SETD5: variants seen among roughly 807,000 people sequenced by gnomAD.
SETD5 encodes the protein SET domain containing 5.
Under a neutral mutation model 153.3 loss-of-function variants are expected in SETD5, and 44 were observed. The ratio of observed to expected loss-of-function variants is 0.29; its 90% CI spans 0.23 to 0.37. The LOEUF (loss-of-function observed/expected upper bound fraction) is 0.37, where lower values mean the gene tolerates loss of function less well. Ranked by LOEUF, SETD5 falls within the 10% of genes least tolerant of loss-of-function variation. The pLI is 1.00. For synonymous variants in SETD5, 716 were observed against 645.2 expected, an observed-to-expected ratio of 1.11 and a Z score of -1.66; for missense variants, 1,544 against 1,768.0, an observed-to-expected ratio of 0.87 and a Z score of 2.27.
intron 3 of SETD5, chr3:9,433,598 C>A: frequency 1.6e-6 from 2 of 1,232,114 alleles, no homozygotes; most frequent in Non-Finnish European, 2.1e-6. Flanking sequence ...CACCTTGTAT[C>A]TCAGGTGCCT....
Position 9,434,134 on chromosome 3 carries a change from T to A in SETD5, c.177+184T>A. 6.5e-7 allele frequency: 1 copy of A among 1,548,560 alleles called. No individual in the cohort carries two copies. Among genetic ancestry groups the A allele is most frequent in the Non-Finnish European group, 8.7e-7 (1 of 1,147,972 alleles). On this transcript the variant is annotated intron_variant, in intron 4 of 22. Transcript: ENST00000402198. This position sits in a 1 kb window ranked among gnomAD's most constrained non-coding sequence, Gnocchi z 5.6. ...TCTTGTTTTTATGTCCCAGTTGACC[T>A]TGGCATTTTGTTTTATCACTTTCCT... is the stretch of plus-strand genomic sequence containing the variant.
intron 16 of SETD5, among the ~76,000 whole-genome samples, chr3:9,452,659 A>ATTTTTTTTTTTTTTTTTTT (rs1164278885): frequency 3.3e-5 from 2 of 59,812 alleles, no homozygotes; most frequent in Non-Finnish European, 6.4e-5. Context: ...ATGATGTAAG[A>ATTTTTTTTTTTTTTTTTTT]TTTTTTTTTT....
At chr3:9,447,634 T>C (rs2042168941) in intron 14 of SETD5, 52 bp from the exon 15 acceptor site, 1 of 1,561,140 alleles carries the variant, frequency 6.4e-7, no homozygotes. Flanking sequence ...GAAATTAGAC[T>C]GTTTGCTGAT....
intron 13 of SETD5, among the ~76,000 whole-genome samples, chr3:9,446,250 G>C (rs1488619679): frequency 3.5e-4 from 44 of 126,328 alleles, no homozygotes; most frequent in African/African-American, 1.3e-3. Context: ...TAGCGCCACT[G>C]CACTCCGGCC....
rs2033954298 is a variant in SETD5 at position 9,397,996 on chromosome 3, A to G, written c.-177+19A>G. On this transcript the variant is annotated intron_variant, in intron 1 of 22. Coordinates refer to ENST00000402198, the MANE Select transcript of SETD5 (RefSeq NM_001080517.3). ...GGACAAGGTAAGGGTCCGACAGAAA[A>G]GAGACCGAACCTCACGATCGGGCCC... 1 of 152,030 alleles carries G rather than the reference A, an allele frequency of 6.6e-6. No individual in the cohort carries two copies. Among genetic ancestry groups the G allele is most frequent in the Admixed American group, 6.6e-5 (1 of 15,256 alleles). The allele number at this position is 152,030 out of a possible 1,614,324, so 9.4% of individuals were successfully genotyped here. A position where few individuals can be genotyped will look rare whatever the true frequency, so the allele number is the denominator to read the frequency against.
chr3:9,457,742 CTT>C (rs756557755), intron 17 of SETD5, among the ~76,000 whole-genome samples: 6 of 129,364 alleles, frequency 4.6e-5, no homozygotes, highest in Admixed American at 2.3e-4. Context: ...ATTTCTTTTT[CTT>C]TTTTTTTTTT....
chr3:9,456,207 G>A (rs1356032664), intron 17 of SETD5, among the ~76,000 whole-genome samples: 4 of 152,108 alleles, frequency 2.6e-5, no homozygotes, highest in Non-Finnish European at 5.9e-5. Flanking sequence ...AGGCGTTGGT[G>A]GCTCACACCT....
intron 8 of SETD5, among the ~76,000 whole-genome samples, chr3:9,441,352 A>T (rs866376208): frequency 2.7e-3 from 373 of 138,164 alleles, no homozygotes; most frequent in Middle Eastern, 7.6e-3. Flanking sequence ...TTAATCATGT[A>T]TTTTTTTTTT....
chr3:9,449,699 T>TGG (rs1051290077), intron 16 of SETD5: 102 of 152,004 alleles, frequency 6.7e-4, no homozygotes, highest in African/African-American at 2.4e-3. Flanking sequence ...CAAAGTGGTG[T>TGG]GGGATATGGA....
Position 9,418,557 on chromosome 3 carries a change from A to G in SETD5, c.-176-5910A>G, listed in dbSNP as rs139459661. Among the ~76,000 whole-genome samples, 22 of 152,152 alleles carry G rather than the reference A, an allele frequency of 1.4e-4. No homozygotes were observed. The East Asian group carries it at 2.5e-3, about 18-fold the overall frequency. ...CAGTCAGTAGTAGTCTTAAAAGTGA[A>G]TCACATAGGCTGAAGCAGGCAGATC... is the stretch of plus-strand genomic sequence containing the variant. On this transcript the variant is annotated intron_variant, in intron 1 of 22. Coordinates refer to ENST00000402198, the MANE Select transcript of SETD5 (RefSeq NM_001080517.3).
rs754872251 is a variant in SETD5, at chr3:9,445,689, A to C, written c.1473A>C (p.Glu491Asp). 35 of 1,613,660 alleles carry C rather than the reference A, an allele frequency of 2.2e-5. No homozygotes were observed. The highest frequency in any genetic ancestry group is 3.0e-5 in the Non-Finnish European group (35 of 1,179,762). The change falls in exon 13 of 23, where the codon GAA becomes GAC. Residue 491 changes from glutamate (E) to aspartate (D), a missense_variant. Transcript: ENST00000402198. ...EVDNPEEKPE[E>D]EKEEVIDDQE... The stretch of plus-strand genomic sequence containing the variant: ...ACAATCCAGAAGAAAAACCAGAAGA[A>C]GAGAAAGAAGAGGTTATAGATGACC...
chr3:9,431,154 G>A (rs761508273), intron 3 of SETD5: 7 of 985,342 alleles, frequency 7.1e-6, no homozygotes, highest in South Asian at 4.7e-5. Context: ...TATGCAATAC[G>A]CATTTATTTT....
Position 9,473,306 on chromosome 3 carries a change from C to G in SETD5, c.3266C>G (p.Ser1089Cys), listed in dbSNP as rs779681331. Residue 1089 changes from serine to cysteine, a missense_variant, in exon 20 of 23, where the codon TCT becomes TGT. Transcript: ENST00000402198. ...KENSAGGGGD[S>C]AQSKSKSAGA... ...AATTCTGCTGGTGGGGGAGGTGACT[C>G]TGCACAGAGCAAAAGCAAGTCTGCA... 1.2e-6 allele frequency: 2 copies of G among 1,613,996 alleles called. No individual in the cohort carries two copies. The highest frequency in any genetic ancestry group is 8.5e-7 in the Non-Finnish European group (1 of 1,179,892).
intron 13 of SETD5, among the ~76,000 whole-genome samples, chr3:9,445,945 A>C (rs2041892193): frequency 7.5e-6 from 1 of 133,060 alleles, no homozygotes; most frequent in Admixed American, 7.9e-5. Context: ...ATTATTATCT[A>C]GTGATGGTTT....
chr3:9,470,485 G>A lies in SETD5; in HGVS notation c.2751G>A (p.Leu917=). The A allele has an allele frequency of 1.9e-6, 3 of 1,611,740 alleles. No homozygotes were observed. The highest frequency in any genetic ancestry group is 2.5e-6 in the Non-Finnish European group (3 of 1,178,250). The change falls in exon 19 of 23, where the codon TTG becomes TTA. Residue 917 remains leucine, a synonymous_variant. Transcript: ENST00000402198. The part of the protein sequence containing the change: ...FELCHRKDLD[L]AKVGYLDSNT... The stretch of plus-strand genomic sequence containing the variant: ...TTTGTCACCGAAAAGACCTGGATTT[G>A]GCAAAAGTAGGATACCTTGACTCCA...
chr3:9,414,640 G>A (rs2037140752), intron 1 of SETD5, among the ~76,000 whole-genome samples: 2 of 152,158 alleles, frequency 1.3e-5, no homozygotes, highest in African/African-American at 4.8e-5. Context: ...ATATTGTGCA[G>A]AAGAATTACT....
At chr3:9,454,143 C>T (rs966269687) in intron 17 of SETD5, 1 of 181,326 alleles carries the variant, frequency 5.5e-6, no homozygotes, top group South Asian at 1.9e-4. Flanking sequence ...AATTTATATT[C>T]ATATTTATAA....
At chr3:9,440,391 C>G (rs2041129248) in intron 7 of SETD5, 65 bp from the exon 8 acceptor site, 2 of 849,056 alleles carry the variant, frequency 2.4e-6, no homozygotes, top group Admixed American at 3.9e-5. Flanking sequence ...GCTTGTCCCA[C>G]CCCCATTCCC....
In SETD5 at chr3:9,456,238, G is replaced by A. The variant is rs1279105799; in HGVS notation, c.2476+2370G>A. 3.9e-5 allele frequency among the ~76,000 whole-genome samples: 6 copies of A among 152,206 alleles called. No homozygotes were observed. In the East Asian group the frequency reaches 5.8e-4, roughly 15 times the overall value. On this transcript the variant is annotated intron_variant, in intron 17 of 22. Transcript: ENST00000402198. ...CACCTGTAATCCCAGCACTTTGGGA[G>A]GCCAAGGTGGGCGGATCATCTGAGG... is the stretch of plus-strand genomic sequence containing the variant.
Sources: allele counts gnomAD v4.1 joint callset (sites outside exome capture counted in the v4.1 genomes callset), GRCh38; gene constraint gnomAD v4.1.1; non-coding constraint Gnocchi (gnomAD v3.1); transcripts MANE v1.5; gene names NCBI Gene and HGNC (gene_info 2026-07-23, HGNC 2026-07-21).